ABTB3: variants seen among roughly 807,000 people sequenced by gnomAD.
ABTB3 encodes ankyrin repeat and BTB domain containing 3, also known as ankyrin repeat- and BTB/POZ domain-containing protein 3.
the ABTB3 span, among the ~76,000 whole-genome samples, chr12:107,354,790 A>T: frequency 6.6e-6 from 1 of 152,142 alleles, no homozygotes; most frequent in Admixed American, 6.5e-5. Flanking sequence ...GATTATAGCC[A>T]TCCTCGTGGG....
At chr12:107,357,649 T>A in the ABTB3 span, among the ~76,000 whole-genome samples, 1 of 152,190 alleles carries the variant, frequency 6.6e-6, no homozygotes, top group Non-Finnish European at 1.5e-5. Context: ...ATAAGTGATA[T>A]CTGCTTACTG....
chr12:107,484,641 G>T, the ABTB3 span, among the ~76,000 whole-genome samples: 1 of 151,062 alleles, frequency 6.6e-6, no homozygotes, highest in Non-Finnish European at 1.5e-5. Context: ...GTTGCATTGA[G>T]AATAGACCCT....
At chr12:107,610,110 C>T in the ABTB3 span, 1 of 1,543,402 alleles carries the variant, frequency 6.5e-7, no homozygotes, top group African/African-American at 1.4e-5. Context: ...TGCAATGTCC[C>T]AGGGTGCTTC....
At chr12:107,542,786 A>G in the ABTB3 span, among the ~76,000 whole-genome samples, 1 of 152,252 alleles carries the variant, frequency 6.6e-6, no homozygotes, top group Non-Finnish European at 1.5e-5. Flanking sequence ...GCTTGAGAAA[A>G]GAAAAAATTA....
At chr12:107,461,366 C>T in the ABTB3 span, among the ~76,000 whole-genome samples, 1 of 152,146 alleles carries the variant, frequency 6.6e-6, no homozygotes, top group Non-Finnish European at 1.5e-5. Flanking sequence ...CACAGAGACA[C>T]AGACACAGAT....
the ABTB3 span, among the ~76,000 whole-genome samples, chr12:107,545,825 A>G: frequency 6.6e-6 from 1 of 152,230 alleles, no homozygotes; most frequent in South Asian, 2.1e-4. Flanking sequence ...GCCTCAGCCT[A>G]TGGAGTGTCT....
At chr12:107,526,934 T>A in the ABTB3 span, among the ~76,000 whole-genome samples, 3 of 152,140 alleles carry the variant, frequency 2.0e-5, no homozygotes, top group Admixed American at 1.3e-4. Flanking sequence ...TCTTCTCATG[T>A]GGTGAAGTGG....
chr12:107,334,871 C>A, the ABTB3 span, among the ~76,000 whole-genome samples: 1 of 151,974 alleles, frequency 6.6e-6, no homozygotes, highest in Admixed American at 6.6e-5. Context: ...ATAGTGTGTC[C>A]CCAAGGAGGA....
chr12:107,320,472 T>C, the ABTB3 span: 1 of 427,782 alleles, frequency 2.3e-6, no homozygotes, highest in Non-Finnish European at 4.7e-6. Flanking sequence ...GGCGCATGAA[T>C]TGGGCTCCCT....
the ABTB3 span, among the ~76,000 whole-genome samples, chr12:107,654,996 G>A: frequency 0.017 from 2,619 of 151,942 alleles, 85 homozygotes; most frequent in African/African-American, 0.06. Context: ...AGCCTGATTA[G>A]CCTTGTGCTC....
chr12:107,635,086 T>G, the ABTB3 span: 3 of 448,936 alleles, frequency 6.7e-6, no homozygotes, highest in South Asian at 1.6e-4. Flanking sequence ...CCACTAGAAA[T>G]AGACAGTGGA....
At chr12:107,522,819 G>GGAA in the ABTB3 span, among the ~76,000 whole-genome samples, 8 of 151,360 alleles carry the variant, frequency 5.3e-5, no homozygotes, top group African/African-American at 1.9e-4. Flanking sequence ...GGAAGGGAAG[G>GGAA]GAAGGGAAGG....
At chr12:107,436,761 C>T in the ABTB3 span, among the ~76,000 whole-genome samples, 3 of 152,222 alleles carry the variant, frequency 2.0e-5, no homozygotes, top group African/African-American at 4.8e-5. Context: ...AGCGCACAGC[C>T]GAGCACCTAG....
chr12:107,568,396 C>G, the ABTB3 span, among the ~76,000 whole-genome samples: 1 of 152,060 alleles, frequency 6.6e-6, no homozygotes, highest in Non-Finnish European at 1.5e-5. Context: ...ATCCAGGTTG[C>G]GTAATATCTA....
At chr12:107,483,348 G>A in the ABTB3 span, among the ~76,000 whole-genome samples, 2 of 152,118 alleles carry the variant, frequency 1.3e-5, no homozygotes, top group African/African-American at 4.8e-5. Context: ...CCAGCCCCTT[G>A]ATGCTTATTT....
the ABTB3 span, among the ~76,000 whole-genome samples, chr12:107,468,178 G>A: frequency 1.3e-5 from 2 of 152,150 alleles, no homozygotes; most frequent in African/African-American, 4.8e-5. Flanking sequence ...GGGCAGCAGG[G>A]AATTGGTGTT....
the ABTB3 span, among the ~76,000 whole-genome samples, chr12:107,421,183 A>G: frequency 1.3e-5 from 2 of 152,234 alleles, no homozygotes; most frequent in Non-Finnish European, 2.9e-5. Flanking sequence ...AGGCTTTTTA[A>G]TTAGCCTCAT....
the ABTB3 span, among the ~76,000 whole-genome samples, chr12:107,519,012 C>A: frequency 2.6e-5 from 4 of 152,224 alleles, no homozygotes; most frequent in African/African-American, 9.6e-5. Flanking sequence ...ACTATATCCT[C>A]AACCCCAAAC....
the ABTB3 span, among the ~76,000 whole-genome samples, chr12:107,591,581 G>A: frequency 2.0e-5 from 3 of 152,126 alleles, no homozygotes; most frequent in Admixed American, 6.5e-5. Flanking sequence ...CTCCAACACA[G>A]GGAATTACAA....
Sources: allele counts gnomAD v4.1 joint callset (sites outside exome capture counted in the v4.1 genomes callset), GRCh38; gene constraint gnomAD v4.1.1; transcripts MANE v1.5; gene names NCBI Gene and HGNC (gene_info 2026-07-23, HGNC 2026-07-21).